STAT3: variants seen among roughly 807,000 people sequenced by gnomAD.
STAT3 encodes the protein DNA-binding protein APRF.
In STAT3, 7 loss-of-function variants were observed where a neutral mutation model predicts 114.3. The ratio of observed to expected loss-of-function variants is 0.06; its 90% CI spans 0.03 to 0.11. The LOEUF (loss-of-function observed/expected upper bound fraction) is 0.11, where lower values mean the gene tolerates loss of function less well. Ranked by LOEUF, STAT3 falls within the 10% of genes least tolerant of loss-of-function variation. The probability of loss-of-function intolerance (pLI) is 1.00; values close to 1 mark genes in which losing one functional copy is unlikely to be tolerated. For missense variants in STAT3, 364 were observed against 960.9 expected (o/e 0.38, Z 8.21); for synonymous variants, 331 against 354.5 (o/e 0.93, Z 0.74).
Position 42,333,625 on chromosome 17 carries a change from G to A in STAT3, c.1049+48C>T. On this transcript the variant is annotated intron_variant, in intron 10 of 23. Coordinates refer to ENST00000264657, the MANE Select transcript of STAT3 (RefSeq NM_139276.3). This position sits in a 1 kb window ranked among gnomAD's most constrained non-coding sequence, Gnocchi z 5.2. The stretch of plus-strand genomic sequence containing the variant: ...CACCAACTCTACCCTCACCCTAACA[G>A]TGTCCCTCAGTAAAATCTCTACTGG... 1.2e-6 allele frequency: 2 copies of A among 1,601,732 alleles called. No homozygotes were observed. The highest frequency in any genetic ancestry group is 1.7e-6 in the Non-Finnish European group (2 of 1,169,204).
chr17:42,345,414 G>T, intron 4 of STAT3, 145 bp downstream of exon 4: 1 of 719,030 alleles, frequency 1.4e-6, no homozygotes, highest in Non-Finnish European at 2.3e-6. Context: ...TTTTTTTTTA[G>T]AGTTTTTCAA....
intron 12 of STAT3, 44 bp downstream of exon 12, chr17:42,329,703 G>C (rs751144056): frequency 6.2e-7 from 1 of 1,614,178 alleles, no homozygotes; most frequent in Non-Finnish European, 8.5e-7. Flanking sequence ...GGAGGATGAA[G>C]TTAGGTTAAA....
rs374012471 is a variant in STAT3 at position 42,333,665 on chromosome 17, T to C, written c.1049+8A>G. ...ATCTCTACTGGAAATGGAAGTGGCA[T>C]GGCCTACCTGACTTTAGTAGTGAAC... is the stretch of plus-strand genomic sequence containing the variant. On this transcript the variant is annotated splice_region_variant and intron_variant, in intron 10 of 23. Coordinates refer to ENST00000264657, the MANE Select transcript of STAT3 (RefSeq NM_139276.3). This position sits in a 1 kb window ranked among gnomAD's most constrained non-coding sequence, Gnocchi z 5.2. The C allele has an allele frequency of 6.2e-7, 1 of 1,613,808 alleles. No homozygotes were observed. The highest frequency in any genetic ancestry group is 1.3e-5 in the African/African-American group (1 of 74,890).
chr17:42,372,349 C>T (rs548667710), intron 1 of STAT3, among the ~76,000 whole-genome samples: 1 of 152,178 alleles, frequency 6.6e-6, no homozygotes, highest in Non-Finnish European at 1.5e-5. Flanking sequence ...GTGGTATATC[C>T]ATACAATAGA....
chr17:42,347,564 T>C (rs1361589809), intron 2 of STAT3, among the ~76,000 whole-genome samples: 3 of 152,218 alleles, frequency 2.0e-5, no homozygotes, highest in Non-Finnish European at 4.4e-5. Context: ...TCTACTTCCC[T>C]TATCCTGTGA....
chr17:42,314,050 T>C lies in STAT3; in HGVS notation c.*1695A>G, dbSNP rs921353125. ...GGCAGCCCATCCAGCACGTGCTAGG[T>C]GTTCCCATACGCACAGGAGAGGCGA... is the stretch of plus-strand genomic sequence containing the variant. On this transcript the variant is annotated 3_prime_UTR_variant, in exon 24 of 24. Transcript: ENST00000264657. 4.3e-6 allele frequency: 1 copy of C among 231,754 alleles called. No homozygotes were observed. The allele number at this position is 231,754 out of a possible 1,614,324, so 14.4% of individuals were successfully genotyped here. A position where few individuals can be genotyped will look rare whatever the true frequency, so the allele number is the denominator to read the frequency against.
chr17:42,374,190 T>C (rs923776997), intron 1 of STAT3: 2 of 152,064 alleles, frequency 1.3e-5, no homozygotes, highest in African/African-American at 2.4e-5. Context: ...ACAATGTAAG[T>C]GAAGTGGTGG....
At chr17:42,361,143 C>T (rs537884332) in intron 1 of STAT3, among the ~76,000 whole-genome samples, 58 of 152,276 alleles carry the variant, frequency 3.8e-4, no homozygotes, top group African/African-American at 1.3e-3. Flanking sequence ...GGAACCAAAC[C>T]AGTGCCAAAT....
chr17:42,320,978 G>A (rs1201849537), intron 21 of STAT3, among the ~76,000 whole-genome samples: 1 of 151,330 alleles, frequency 6.6e-6, no homozygotes, highest in African/African-American at 2.4e-5. Context: ...TGTGTAGTGG[G>A]GTCTTGCTAT....
intron 10 of STAT3, 49 bp from the exon 11 acceptor site, chr17:42,331,580 T>C (rs1167092936): frequency 2.1e-6 from 3 of 1,436,028 alleles, no homozygotes; most frequent in Admixed American, 1.7e-5. Flanking sequence ...AACTCTCCCA[T>C]AACCTTTTCT....
In STAT3 at chr17:42,345,551, G is replaced by T. The variant is rs35499754; in HGVS notation, c.372+8C>A. Reference sequence around the variant, plus strand: ...CAGACCAGGGATTTGTTTTGTCTCAGGTCTCACCTGGGCCGCAGTGGCTGC... The same window carrying T: ...CAGACCAGGGATTTGTTTTGTCTCATGTCTCACCTGGGCCGCAGTGGCTGC... On this transcript the variant is annotated splice_region_variant and intron_variant, in intron 4 of 23. Transcript: ENST00000264657. The T allele has an allele frequency of 2.5e-6, 4 of 1,597,032 alleles. No homozygotes were observed.
intron 1 of STAT3, among the ~76,000 whole-genome samples, chr17:42,378,500 G>A (rs967223151): frequency 3.3e-5 from 5 of 152,066 alleles, no homozygotes; most frequent in Admixed American, 2.6e-4. Flanking sequence ...ACATGCCTTG[G>A]TCTCCCAAAG....
Position 42,329,654 on chromosome 17 carries a change from C to T in STAT3, c.1140-7G>A, listed in dbSNP as rs779196443. 2 of 1,614,176 alleles carry T rather than the reference C, an allele frequency of 1.2e-6. No individual in the cohort carries two copies. The highest frequency in any genetic ancestry group is 1.7e-6 in the Non-Finnish European group (2 of 1,180,014). ...AATGTTAAATTTCCGGGATCTGAATCACAGGGGAACAATCAACTATGTAGG... is the reference window on the plus strand; with the variant it reads ...AATGTTAAATTTCCGGGATCTGAATTACAGGGGAACAATCAACTATGTAGG... On this transcript the variant is annotated splice_polypyrimidine_tract_variant and splice_region_variant and intron_variant, in intron 12 of 23. Transcript: ENST00000264657.
chr17:42,322,219 A>C (rs894446559), intron 21 of STAT3, 63 bp downstream of exon 21: 38 of 1,539,228 alleles, frequency 2.5e-5, no homozygotes, highest in Non-Finnish European at 3.1e-5. Flanking sequence ...CTATCCTCCA[A>C]GGATCCCAAA....
chr17:42,380,063 C>T (rs2084688971), intron 1 of STAT3, among the ~76,000 whole-genome samples: 1 of 152,096 alleles, frequency 6.6e-6, no homozygotes, highest in Non-Finnish European at 1.5e-5. Context: ...GTGACGGAGT[C>T]TTGCTCTGTC....
intron 4 of STAT3, among the ~76,000 whole-genome samples, chr17:42,341,244 A>C (rs2082433105): frequency 6.6e-6 from 1 of 152,202 alleles, no homozygotes; most frequent in Non-Finnish European, 1.5e-5. Flanking sequence ...CACTGCTTCC[A>C]GCTATAAACA....
At chr17:42,320,881 T>C (rs1365831366) in intron 21 of STAT3, among the ~76,000 whole-genome samples, 11 of 152,032 alleles carry the variant, frequency 7.2e-5, no homozygotes, top group African/African-American at 2.7e-4. Flanking sequence ...CAGACAGGGC[T>C]ACCCCCTCCA....
rs186798539 is a variant in STAT3, at chr17:42,315,343, C to T, written c.*402G>A. Reference sequence around the variant, plus strand: ...ATAGGTGGCCTGTGGCATTTGCTTACAGAAACAGGCAGAAGGATGCCGCAG... The same window carrying T: ...ATAGGTGGCCTGTGGCATTTGCTTATAGAAACAGGCAGAAGGATGCCGCAG... On this transcript the variant is annotated 3_prime_UTR_variant, in exon 24 of 24. Coordinates refer to ENST00000264657, the MANE Select transcript of STAT3 (RefSeq NM_139276.3). 259 of 409,524 alleles carry T rather than the reference C, an allele frequency of 6.3e-4. 3 individuals carry two copies. The East Asian group carries it at 7.7e-3, about 12-fold the overall frequency. 25.4% of individuals were successfully genotyped at this position (409,524 alleles called of 1,614,324 possible).
chr17:42,359,086 C>A (rs2083381161), intron 1 of STAT3, among the ~76,000 whole-genome samples: 1 of 151,914 alleles, frequency 6.6e-6, no homozygotes, highest in African/African-American at 2.4e-5. Flanking sequence ...CAGGCGCCCG[C>A]CACCACACCC....
Sources: gnomAD v4.1 joint callset for allele counts (sites outside exome capture counted in the v4.1 genomes callset) on GRCh38, gnomAD v4.1.1 for gene constraint, Gnocchi (gnomAD v3.1) non-coding constraint, MANE v1.5 for transcripts, NCBI Gene and HGNC (gene_info 2026-07-23, HGNC 2026-07-21) for gene names.